RSPRY1: variants seen among roughly 807,000 people sequenced by gnomAD.
RSPRY1 encodes the protein ring finger and SPRY domain containing 1.
Under a neutral mutation model 73.1 loss-of-function variants are expected in RSPRY1, and 23 were observed. The observed-to-expected ratio is 0.31, with a 90% CI of 0.23 to 0.45. The LOEUF is 0.45. Among genes scored for constraint, RSPRY1 ranks in the 20% least tolerant of loss-of-function variants. The pLI, the probability that RSPRY1 is intolerant of heterozygous loss-of-function variation, is 1.00. For missense variants in RSPRY1, 448 were observed against 698.7 expected (o/e 0.64, Z 4.05); for synonymous variants, 226 against 251.4 (o/e 0.90, Z 0.95).
rs1324704663 is a variant in RSPRY1 at position 57,238,993 on chromosome 16, C to T, written c.*18C>T. Reference sequence around the variant, plus strand: ...TTTCATGACACATGTGAAGAGGCATCGTGGACTTTTTTCTACTCAATTCCA... The same window carrying T: ...TTTCATGACACATGTGAAGAGGCATTGTGGACTTTTTTCTACTCAATTCCA... On this transcript the variant is annotated 3_prime_UTR_variant, in exon 15 of 15. Coordinates refer to ENST00000394420, the MANE Select transcript of RSPRY1 (RefSeq NM_133368.3). The T allele has an allele frequency of 1.4e-6, 2 of 1,394,130 alleles. No individual in the cohort carries two copies. The highest frequency in any genetic ancestry group is 2.0e-6 in the Non-Finnish European group (2 of 999,314). The allele number at this position is 1,394,130 out of a possible 1,614,324, so 86.4% of individuals were successfully genotyped here.
chr16:57,235,826 C>G (rs1354012730), intron 14 of RSPRY1, among the ~76,000 whole-genome samples: 1 of 152,182 alleles, frequency 6.6e-6, no homozygotes, highest in Non-Finnish European at 1.5e-5. Context: ...CTGCCTTGGT[C>G]TTATTTTTGA....
chr16:57,209,862 A>G (rs985329478), intron 4 of RSPRY1, among the ~76,000 whole-genome samples: 1 of 150,752 alleles, frequency 6.6e-6, no homozygotes, highest in African/African-American at 2.4e-5. Flanking sequence ...TTTTTTAGAG[A>G]TGGGGTTTCA....
At chr16:57,214,410 C>T (rs562528421) in intron 6 of RSPRY1, among the ~76,000 whole-genome samples, 12 of 152,328 alleles carry the variant, frequency 7.9e-5, no homozygotes, top group African/African-American at 2.9e-4. Flanking sequence ...TATGAAGCTT[C>T]TGGTTTGCTG....
In RSPRY1 at chr16:57,216,966, T is replaced by C. The variant is rs2146305217; in HGVS notation, c.832T>C (p.Trp278Arg). ...ISDRLVTLES[W>R]ANDPDYLKRQ... ...TGACCGGCTTGTCACATTGGAGTCC[T>C]GGGCTAATGATCCTGATTATCTGAA... The change falls in exon 8 of 15, where the codon TGG becomes CGG. Residue 278 changes from tryptophan to arginine, a missense_variant. Physicochemically the swap from Trp to Arg is moderately radical, Grantham distance 101. Coordinates refer to ENST00000394420, the MANE Select transcript of RSPRY1 (RefSeq NM_133368.3). The C allele has an allele frequency of 6.2e-7, 1 of 1,613,918 alleles. No homozygotes were observed. The highest frequency in any genetic ancestry group is 8.5e-7 in the Non-Finnish European group (1 of 1,179,768).
intron 4 of RSPRY1, 38 bp from the exon 5 acceptor site, chr16:57,212,934 G>T: frequency 6.2e-7 from 1 of 1,606,014 alleles, no homozygotes; most frequent in Non-Finnish European, 8.5e-7. Context: ...AACCTGTGTA[G>T]TATATGGGTC....
At chr16:57,206,022 CAG>C (rs2074718471) in intron 2 of RSPRY1, among the ~76,000 whole-genome samples, 1 of 152,124 alleles carries the variant, frequency 6.6e-6, no homozygotes, top group Non-Finnish European at 1.5e-5. Flanking sequence ...AAGCATAAAA[CAG>C]AGTGTACCTG....
chr16:57,229,093 C>G (rs1278240317), intron 11 of RSPRY1, among the ~76,000 whole-genome samples: 1 of 152,134 alleles, frequency 6.6e-6, no homozygotes, highest in Non-Finnish European at 1.5e-5. Flanking sequence ...ACATTTTTGC[C>G]TTTTAAAATT....
intron 14 of RSPRY1, among the ~76,000 whole-genome samples, chr16:57,235,897 T>C (rs539015276): frequency 2.6e-5 from 4 of 152,254 alleles, no homozygotes; most frequent in Non-Finnish European, 5.9e-5. Context: ...ACCCAGTTTG[T>C]CATCCCCAGG....
rs532223535 is a variant in RSPRY1, at chr16:57,229,501, C to T, written c.1274-1210C>T. ...AGGGGTGGTGGCACGTGCCTGTAGT[C>T]CTAGTTACTCAGGAGGCTGAAGCAG... On this transcript the variant is annotated intron_variant, in intron 11 of 14. Transcript: ENST00000394420. Among the ~76,000 whole-genome samples, 11 of 151,790 alleles carry T rather than the reference C, an allele frequency of 7.2e-5. 1 individual carries two copies. In the East Asian group the frequency reaches 1.8e-3, roughly 24 times the overall value.
intron 6 of RSPRY1, among the ~76,000 whole-genome samples, chr16:57,214,927 G>T (rs1479763155): frequency 6.6e-6 from 1 of 152,146 alleles, no homozygotes; most frequent in Non-Finnish European, 1.5e-5. Flanking sequence ...TACTCAGGAG[G>T]CTGAGGCAGG....
rs538792860 is a variant in RSPRY1 at position 57,239,049 on chromosome 16, A to C, written c.*74A>C. On this transcript the variant is annotated 3_prime_UTR_variant, in exon 15 of 15. Transcript: ENST00000394420. Reference sequence around the variant, plus strand: ...TGTTGAAAAGAAAAAGAAAAAAAAAACTCTCTAATCAGTTGTACACACATT... The same window carrying C: ...TGTTGAAAAGAAAAAGAAAAAAAAACCTCTCTAATCAGTTGTACACACATT... 2.5e-5 allele frequency: 18 copies of C among 733,514 alleles called. No homozygotes were observed. In the East Asian group the frequency reaches 2.9e-4, roughly 12 times the overall value. The allele number at this position is 733,514 out of a possible 1,614,324, so 45.4% of individuals were successfully genotyped here. A position where few individuals can be genotyped will look rare whatever the true frequency, so the allele number is the denominator to read the frequency against.
intron 1 of RSPRY1, among the ~76,000 whole-genome samples, chr16:57,189,561 T>G (rs2074315605): frequency 6.6e-6 from 1 of 151,070 alleles, no homozygotes; most frequent in South Asian, 2.1e-4. Flanking sequence ...TCTGTATTTC[T>G]TTTTTTCTGT....
chr16:57,221,363 C>T lies in RSPRY1; in HGVS notation c.1109C>T (p.Ser370Phe), dbSNP rs771735773. ...VWYYEVTVVT[S>F]GVMQIGWATR... The stretch of plus-strand genomic sequence containing the variant: ...TACTATGAAGTAACAGTGGTCACTT[C>T]TGGCGTCATGCAGATTGGCTGGGCC... Residue 370 changes from serine to phenylalanine, a missense_variant, in exon 10 of 15, where the codon TCT becomes TTT. Physicochemically the swap from Ser to Phe is radical, Grantham distance 155. Coordinates refer to ENST00000394420, the MANE Select transcript of RSPRY1 (RefSeq NM_133368.3). 1.2e-6 allele frequency: 2 copies of T among 1,614,146 alleles called. No individual in the cohort carries two copies. The highest frequency in any genetic ancestry group is 1.7e-6 in the Non-Finnish European group (2 of 1,180,030).
At chr16:57,206,035 TGAATACAAACGAATTTTTA>T (rs1470371909) in intron 2 of RSPRY1, among the ~76,000 whole-genome samples, 5 of 152,246 alleles carry the variant, frequency 3.3e-5, no homozygotes, top group African/African-American at 4.8e-5. Flanking sequence ...AGTGTACCTG[TGAATACAAACGAATTTTTA>T]GAGCTGTATT....
chr16:57,239,120 G>C lies in RSPRY1; in HGVS notation c.*145G>C, dbSNP rs975446618. The C allele has an allele frequency of 6.0e-5, 24 of 402,402 alleles. No homozygotes were observed. The highest frequency in any genetic ancestry group is 1.1e-4 in the Non-Finnish European group (24 of 227,964). The allele number at this position is 402,402 out of a possible 1,614,324, so 24.9% of individuals were successfully genotyped here. ...GATTTTATGCTAAAAATGGTAGTTT[G>C]TCAAAGACAAAATTCTCTTAGAATC... On this transcript the variant is annotated 3_prime_UTR_variant, in exon 15 of 15. Coordinates refer to ENST00000394420, the MANE Select transcript of RSPRY1 (RefSeq NM_133368.3).
At chr16:57,199,014 A>T (rs1052170700) in intron 1 of RSPRY1, among the ~76,000 whole-genome samples, 3 of 152,212 alleles carry the variant, frequency 2.0e-5, no homozygotes, top group African/African-American at 4.8e-5. Flanking sequence ...ACCATCCCCA[A>T]AGTGTTAGTT....
At chr16:57,212,774 C>T (rs1175751885) in intron 4 of RSPRY1, among the ~76,000 whole-genome samples, 198 bp from the exon 5 acceptor site, 1 of 152,052 alleles carries the variant, frequency 6.6e-6, no homozygotes, top group Non-Finnish European at 1.5e-5. Context: ...ACCACCACAC[C>T]TGGCTAATTT....
Position 57,186,379 on chromosome 16 carries a change from C to G in RSPRY1, c.-228C>G, listed in dbSNP as rs1237958568. ...GCCTCGCGTCCATCTTTGCCGTTCT[C>G]TCGGACCTGTCACAAAGGAGTCGCG... On this transcript the variant is annotated 5_prime_UTR_variant, in exon 1 of 15. Coordinates refer to ENST00000394420, the MANE Select transcript of RSPRY1 (RefSeq NM_133368.3). 1 of 165,254 alleles carries G rather than the reference C, an allele frequency of 6.1e-6. No homozygotes were observed. The highest frequency in any genetic ancestry group is 1.9e-4 in the East Asian group (1 of 5,290). 10.2% of individuals were successfully genotyped at this position (165,254 alleles called of 1,614,324 possible).
chr16:57,231,115 C>G (rs768876504), intron 12 of RSPRY1, 52 bp from the exon 13 acceptor site: 38 of 1,547,370 alleles, frequency 2.5e-5, no homozygotes, highest in Non-Finnish European at 3.1e-5. Flanking sequence ...TCTATTAACT[C>G]TATTTTGATT....
Sources: gnomAD v4.1 joint callset for allele counts (sites outside exome capture counted in the v4.1 genomes callset) on GRCh38, gnomAD v4.1.1 for gene constraint, MANE v1.5 for transcripts, NCBI Gene and HGNC (gene_info 2026-07-23, HGNC 2026-07-21) for gene names.